VWA3B: variants seen among roughly 807,000 people sequenced by gnomAD.
VWA3B encodes the protein von Willebrand factor A domain-containing protein 3B.
A neutral mutation model predicts 158.3 loss-of-function variants in VWA3B; 138 were observed. That is an observed-to-expected ratio of 0.87 (90% CI 0.76 to 1.00). The LOEUF (loss-of-function observed/expected upper bound fraction) is 1.00. Ranked by LOEUF, VWA3B falls within the 50% of genes least tolerant of loss-of-function variation. VWA3B has a pLI of 0.00. For synonymous variants in VWA3B, 596 were observed against 587.3 expected, an observed-to-expected ratio of 1.01 and a Z score of -0.21; for missense variants, 1,555 against 1,565.1, an observed-to-expected ratio of 0.99 and a Z score of 0.11.
At chr2:98,230,907 T>A (rs1685295151) in intron 16 of VWA3B, among the ~76,000 whole-genome samples, 1 of 152,196 alleles carries the variant, frequency 6.6e-6, no homozygotes, top group African/African-American at 2.4e-5. Flanking sequence ...CAGCAAGGGA[T>A]GTACCAAAAA....
downstream of VWA3B, among the ~76,000 whole-genome samples, chr2:98,314,040 C>T (rs1195056500): frequency 2.0e-5 from 3 of 152,194 alleles, no homozygotes; most frequent in Non-Finnish European, 4.4e-5. Context: ...CACTGGGCGT[C>T]AGGTGATAAG....
chr2:98,311,257 T>C (rs1047999651), intron 26 of VWA3B, among the ~76,000 whole-genome samples: 4 of 152,248 alleles, frequency 2.6e-5, no homozygotes, highest in Non-Finnish European at 5.9e-5. Context: ...AGGACAGCAC[T>C]TCTGGGTAAA....
chr2:98,096,475 G>T (rs921034810), intron 2 of VWA3B, among the ~76,000 whole-genome samples: 1 of 151,950 alleles, frequency 6.6e-6, no homozygotes. Context: ...CACCATGTTG[G>T]TCAGGCTGGT....
chr2:98,088,762 A>AT (rs967381124), intron 1 of VWA3B, among the ~76,000 whole-genome samples: 12 of 150,400 alleles, frequency 8.0e-5, no homozygotes, highest in African/African-American at 1.2e-4. Flanking sequence ...ATCCCCCTTT[A>AT]TTTTTTTTTG....
chr2:98,311,847 T>C lies in VWA3B; in HGVS notation c.3550T>C (p.Phe1184Leu), dbSNP rs758667473. Residue 1184 changes from phenylalanine (F) to leucine (L), a missense_variant, in exon 27 of 28, where the codon TTC becomes CTC. Coordinates refer to ENST00000477737, the MANE Select transcript of VWA3B (RefSeq NM_144992.5). ...VEDVEARNSA[F>L]LFWPLKEADT... Reference sequence around the variant, plus strand: ...GGATGTGGAGGCGAGGAACTCTGCTTTCCTCTTCTGGCCACTGAAAGAAGC... The same window carrying C: ...GGATGTGGAGGCGAGGAACTCTGCTCTCCTCTTCTGGCCACTGAAAGAAGC... 1.9e-6 allele frequency: 3 copies of C among 1,611,168 alleles called. No individual in the cohort carries two copies. The highest frequency in any genetic ancestry group is 2.5e-6 in the Non-Finnish European group (3 of 1,178,846).
rs4588239 is a variant in VWA3B at position 98,154,317 on chromosome 2, C to T, written c.989-8534C>T. 2.5e-3 allele frequency among the ~76,000 whole-genome samples: 378 copies of T among 152,314 alleles called. 2 individuals carry two copies. The highest frequency in any genetic ancestry group is 8.3e-3 in the African/African-American group (344 of 41,576). On this transcript the variant is annotated intron_variant, in intron 7 of 27. Coordinates refer to ENST00000477737, the MANE Select transcript of VWA3B (RefSeq NM_144992.5). The stretch of plus-strand genomic sequence containing the variant: ...CCCAGTCGGCGGGGAGCCCCAGATT[C>T]TCAGAATGTCATTTTTGCTTCTGCC...
intron 25 of VWA3B, among the ~76,000 whole-genome samples, chr2:98,302,084 G>A (rs761996769): frequency 6.6e-6 from 1 of 152,156 alleles, no homozygotes; most frequent in African/African-American, 2.4e-5. Context: ...CAGGACCCCA[G>A]TGTGGCCCCA....
chr2:98,253,618 C>T (rs1262053193), intron 20 of VWA3B, among the ~76,000 whole-genome samples: 1 of 152,112 alleles, frequency 6.6e-6, no homozygotes, highest in Non-Finnish European at 1.5e-5. Flanking sequence ...GGGGACCATG[C>T]TTAGAAACCT....
At chr2:98,321,750 G>A in the VWA3B span, among the ~76,000 whole-genome samples, 1 of 152,204 alleles carries the variant, frequency 6.6e-6, no homozygotes, top group Non-Finnish European at 1.5e-5. Context: ...AGTTAATGCT[G>A]AAATGAGTTA....
At chr2:98,107,307 T>C (rs1673744789) in intron 2 of VWA3B, among the ~76,000 whole-genome samples, 1 of 152,160 alleles carries the variant, frequency 6.6e-6, no homozygotes, top group Admixed American at 6.5e-5. Context: ...CTTTTTTAAA[T>C]AATGGTTTTG....
downstream of VWA3B, chr2:98,313,369 G>A (rs186935959): frequency 6.6e-6 from 1 of 152,270 alleles, no homozygotes; most frequent in East Asian, 1.9e-4. Context: ...TGAGGGAATT[G>A]TTTGAAACAA....
intron 26 of VWA3B, among the ~76,000 whole-genome samples, chr2:98,304,214 G>C (rs1290261450): frequency 6.6e-6 from 1 of 152,184 alleles, no homozygotes; most frequent in Non-Finnish European, 1.5e-5. Flanking sequence ...AGGGGCGGTG[G>C]CTTCCAGGGG....
intron 6 of VWA3B, among the ~76,000 whole-genome samples, chr2:98,131,029 T>C (rs1465575333): frequency 6.6e-6 from 1 of 152,168 alleles, no homozygotes; most frequent in Non-Finnish European, 1.5e-5. Context: ...GCCTACTCCT[T>C]CTATCTCACT....
intron 21 of VWA3B, among the ~76,000 whole-genome samples, chr2:98,256,641 C>T (rs1242344795): frequency 6.6e-6 from 1 of 152,118 alleles, no homozygotes; most frequent in Non-Finnish European, 1.5e-5. Context: ...AACTATGTTG[C>T]TATATGCATT....
At chr2:98,187,532 C>T (rs1477465735) in intron 9 of VWA3B, among the ~76,000 whole-genome samples, 1 of 152,090 alleles carries the variant, frequency 6.6e-6, no homozygotes, top group Non-Finnish European at 1.5e-5. Flanking sequence ...CCGTCTAGTC[C>T]ACTGTCGCTC....
the VWA3B span, among the ~76,000 whole-genome samples, chr2:98,327,037 G>A: frequency 3.4e-4 from 51 of 151,832 alleles, no homozygotes; most frequent in East Asian, 5.2e-3. Context: ...ACTCACGCCT[G>A]TAATCCCAGC....
intron 12 of VWA3B, among the ~76,000 whole-genome samples, chr2:98,205,988 T>C (rs1336181377): frequency 1.3e-5 from 2 of 152,240 alleles, no homozygotes; most frequent in African/African-American, 2.4e-5. Context: ...TTGAAAAGCA[T>C]ATGCAGTCTT....
chr2:98,119,776 A>G lies in VWA3B; in HGVS notation c.542+13A>G. 6.2e-7 allele frequency: 1 copy of G among 1,611,278 alleles called. No individual in the cohort carries two copies. The highest frequency in any genetic ancestry group is 8.5e-7 in the Non-Finnish European group (1 of 1,177,752). On this transcript the variant is annotated intron_variant, in intron 4 of 27. Coordinates refer to ENST00000477737, the MANE Select transcript of VWA3B (RefSeq NM_144992.5). ...TCAATATCATACGGTGAGTTCCCAT[A>G]GGAAGGGAGTATTTTAGTGAAAGTT...
chr2:98,182,523 C>T (rs369808210), intron 9 of VWA3B, among the ~76,000 whole-genome samples: 14 of 152,290 alleles, frequency 9.2e-5, no homozygotes, highest in African/African-American at 2.6e-4. Context: ...ATTGCTACAG[C>T]GCAGGGAAAA....
Sources: gnomAD v4.1 joint callset for allele counts (sites outside exome capture counted in the v4.1 genomes callset) on GRCh38, gnomAD v4.1.1 for gene constraint, MANE v1.5 for transcripts, NCBI Gene and HGNC (gene_info 2026-07-23, HGNC 2026-07-21) for gene names.